Variants in PARP8 observed in about 807,000 individuals in gnomAD.
PARP8 encodes the protein protein mono-ADP-ribosyltransferase PARP8.
PARP8 carries 51 observed loss-of-function variants against 124.1 expected under a neutral mutation model. The observed-to-expected ratio is 0.41, with a 90% CI of 0.33 to 0.52. The LOEUF (loss-of-function observed/expected upper bound fraction) is 0.52. Among genes scored for constraint, PARP8 ranks in the 20% least tolerant of loss-of-function variants. The probability of loss-of-function intolerance (pLI) is 0.21; values close to 1 mark genes in which losing one functional copy is unlikely to be tolerated. For synonymous variants in PARP8, 391 were observed against 361.5 expected (o/e 1.08, Z -0.93); for missense variants, 860 against 1,018.9 (o/e 0.84, Z 2.12).
intron 2 of PARP8, among the ~76,000 whole-genome samples, chr5:50,715,599 A>G (rs1231747578): frequency 6.6e-6 from 1 of 152,054 alleles, no homozygotes; most frequent in Non-Finnish European, 1.5e-5. Context: ...TCAAAATTTT[A>G]AAATTTGTGT....
chr5:50,667,876 G>T, intron 1 of PARP8, 195 bp from the exon 2 acceptor site: 2 of 1,474,592 alleles, frequency 1.4e-6, no homozygotes, highest in Non-Finnish European at 9.0e-7. Context: ...TGCGGGGGGC[G>T]GCCTCCCGCT....
At chr5:50,821,416 G>A (rs758132106) in intron 16 of PARP8, 78 bp downstream of exon 16, 46 of 1,467,174 alleles carry the variant, frequency 3.1e-5, no homozygotes, top group Non-Finnish European at 3.9e-5. Flanking sequence ...AGTCTCATTA[G>A]GTTTCCTCTT....
At chr5:50,828,533 G>A in intron 21 of PARP8, 149 bp downstream of exon 21, 1 of 675,974 alleles carries the variant, frequency 1.5e-6, no homozygotes, top group Admixed American at 2.7e-5. Context: ...TAGAACTGAA[G>A]CAGAACTGAT....
At chr5:50,822,245 A>T in intron 16 of PARP8, 90 bp from the exon 17 acceptor site, 1 of 926,178 alleles carries the variant, frequency 1.1e-6, no homozygotes, top group Non-Finnish European at 1.8e-6. Flanking sequence ...AAATTCACAT[A>T]TGGAAATAAT....
chr5:50,828,776 C>T (rs1366232696), intron 21 of PARP8, among the ~76,000 whole-genome samples: 5 of 151,058 alleles, frequency 3.3e-5, no homozygotes, highest in Admixed American at 2.6e-4. Flanking sequence ...CACATGCCTA[C>T]AATTGAAGCT....
intron 14 of PARP8, among the ~76,000 whole-genome samples, chr5:50,805,102 T>C (rs1178554508): frequency 6.6e-6 from 1 of 152,124 alleles, no homozygotes; most frequent in Admixed American, 6.6e-5. Flanking sequence ...CTTTTAAAGA[T>C]TTTATAGAGA....
intron 2 of PARP8, among the ~76,000 whole-genome samples, chr5:50,677,061 C>T (rs1750715951): frequency 6.6e-6 from 1 of 152,174 alleles, no homozygotes; most frequent in Non-Finnish European, 1.5e-5. Context: ...CGAGTGGAGC[C>T]TCACAGGCAC....
In PARP8 at chr5:50,788,444, C is replaced by T. The variant is rs762939575; in HGVS notation, c.671-79C>T. On this transcript the variant is annotated intron_variant, in intron 9 of 25. Coordinates refer to ENST00000281631, the MANE Select transcript of PARP8 (RefSeq NM_024615.4). ...TATATGTATATGCACATATATAATGCGATTTCAACCTTTTTCTGGCTGATG... is the reference window on the plus strand; with the variant it reads ...TATATGTATATGCACATATATAATGTGATTTCAACCTTTTTCTGGCTGATG... 1,002 of 1,298,342 alleles carry T rather than the reference C, an allele frequency of 7.7e-4. 1 individual carries two copies. Among genetic ancestry groups the T allele is most frequent in the Non-Finnish European group, 1.0e-3 (935 of 901,432 alleles). The allele number at this position is 1,298,342 out of a possible 1,614,324, so 80.4% of individuals were successfully genotyped here.
At chr5:50,775,802 C>CT (rs2149605351) in intron 7 of PARP8, among the ~76,000 whole-genome samples, 1 of 152,010 alleles carries the variant, frequency 6.6e-6, no homozygotes, top group Admixed American at 6.5e-5. Context: ...TTGGTGGAGC[C>CT]TTTAGAGTTT....
chr5:50,704,389 C>G (rs148405784), intron 2 of PARP8, among the ~76,000 whole-genome samples: 1 of 152,296 alleles, frequency 6.6e-6, no homozygotes, highest in African/African-American at 2.4e-5. Flanking sequence ...AAAAACTGCT[C>G]TGACCAAGAT....
At chr5:50,691,102 C>G (rs1302559933) in intron 2 of PARP8, among the ~76,000 whole-genome samples, 1 of 152,218 alleles carries the variant, frequency 6.6e-6, no homozygotes, top group Non-Finnish European at 1.5e-5. Flanking sequence ...CCTGATACCG[C>G]AAATCCACTG....
chr5:50,672,744 G>GT (rs1750178187), intron 2 of PARP8, among the ~76,000 whole-genome samples: 2 of 152,166 alleles, frequency 1.3e-5, no homozygotes, highest in South Asian at 4.1e-4. Context: ...CCCGCAGTGT[G>GT]TAATTCCATA....
intron 14 of PARP8, among the ~76,000 whole-genome samples, chr5:50,810,047 A>G (rs1744264673): frequency 6.6e-6 from 1 of 152,022 alleles, no homozygotes; most frequent in South Asian, 2.1e-4. Flanking sequence ...CTTTGATTCA[A>G]ATAACGTTAA....
At chr5:50,814,692 G>A (rs1744889215) in intron 14 of PARP8, among the ~76,000 whole-genome samples, 1 of 152,142 alleles carries the variant, frequency 6.6e-6, no homozygotes, top group Non-Finnish European at 1.5e-5. Context: ...AAGCGTAGGA[G>A]CAGTGGCACT....
intron 2 of PARP8, among the ~76,000 whole-genome samples, chr5:50,727,956 C>A (rs892250646): frequency 1.3e-5 from 2 of 151,990 alleles, no homozygotes; most frequent in African/African-American, 4.8e-5. Flanking sequence ...AATTCAAGGC[C>A]CCTGTCTATT....
intron 7 of PARP8, among the ~76,000 whole-genome samples, chr5:50,777,244 C>T (rs13169153): frequency 0.11 from 16,646 of 152,188 alleles, 1,346 homozygotes; most frequent in African/African-American, 0.23. Context: ...ATTAAATTAT[C>T]ACATGTATGT....
Position 50,732,766 on chromosome 5 carries a change from C to T in PARP8, c.147-17385C>T, listed in dbSNP as rs140041711. 7.3e-3 allele frequency among the ~76,000 whole-genome samples: 1,100 copies of T among 151,692 alleles called. 13 individuals are homozygous for T. The highest frequency in any genetic ancestry group is 0.026 in the African/African-American group (1,068 of 41,386). On this transcript the variant is annotated intron_variant, in intron 2 of 25. Coordinates refer to ENST00000281631, the MANE Select transcript of PARP8 (RefSeq NM_024615.4). ...CCTGAGTAGCTGGGACTACAGGCACCCACCACCACGCTCGGCTAATTTTTT... is the reference window on the plus strand; with the variant it reads ...CCTGAGTAGCTGGGACTACAGGCACTCACCACCACGCTCGGCTAATTTTTT...
chr5:50,824,577 G>A (rs1746130841), intron 17 of PARP8, among the ~76,000 whole-genome samples: 1 of 150,124 alleles, frequency 6.7e-6, no homozygotes, highest in Admixed American at 6.7e-5. Flanking sequence ...TTTGTGGTTT[G>A]GGAGCATCAC....
chr5:50,754,556 G>A (rs1406535625), intron 3 of PARP8, among the ~76,000 whole-genome samples: 2 of 152,042 alleles, frequency 1.3e-5, no homozygotes, highest in African/African-American at 2.4e-5. Flanking sequence ...GTGTATATGT[G>A]CCACATTTTC....
Sources: gnomAD v4.1 joint callset for allele counts (sites outside exome capture counted in the v4.1 genomes callset) on GRCh38, gnomAD v4.1.1 for gene constraint, MANE v1.5 for transcripts, NCBI Gene and HGNC (gene_info 2026-07-23, HGNC 2026-07-21) for gene names.